Variants in FHIT observed in about 807,000 individuals in gnomAD.
FHIT encodes the protein bis(5'-adenosyl)-triphosphatase.
Under a neutral mutation model 17.9 loss-of-function variants are expected in FHIT, and 19 were observed. The ratio of observed to expected loss-of-function variants is 1.06; its 90% CI spans 0.74 to 1.56. FHIT has a LOEUF of 1.56. Ranked by LOEUF, FHIT falls within the 40% of genes most tolerant of loss-of-function variation. FHIT has a pLI of 0.00. For synonymous variants in FHIT, 81 were observed against 69.7 expected, an observed-to-expected ratio of 1.16 and a Z score of -0.81; for missense variants, 248 against 189.2, an observed-to-expected ratio of 1.31 and a Z score of -1.82.
chr3:61,018,934 A>T (rs2032260468), intron 3 of FHIT, among the ~76,000 whole-genome samples: 1 of 152,204 alleles, frequency 6.6e-6, no homozygotes, highest in South Asian at 2.1e-4. Flanking sequence ...AAGATAATAA[A>T]CTGGACAGAC....
At chr3:60,769,451 A>G (rs1553722438) in intron 4 of FHIT, among the ~76,000 whole-genome samples, 1 of 152,184 alleles carries the variant, frequency 6.6e-6, no homozygotes, top group Non-Finnish European at 1.5e-5. Flanking sequence ...ACTCAAGTGA[A>G]AAATGCTTCC....
At chr3:60,180,216 C>G (rs1043383404) in intron 5 of FHIT, among the ~76,000 whole-genome samples, 3 of 152,046 alleles carry the variant, frequency 2.0e-5, no homozygotes, top group African/African-American at 7.2e-5. Flanking sequence ...AGGAAGATCA[C>G]GGGCAGCAAA....
At chr3:60,993,799 G>A (rs1210874896) in intron 3 of FHIT, among the ~76,000 whole-genome samples, 1 of 152,216 alleles carries the variant, frequency 6.6e-6, no homozygotes, top group Non-Finnish European at 1.5e-5. Context: ...GAGGAGGTCT[G>A]AACGAGGGCC....
chr3:60,851,977 G>A (rs1048253776), intron 3 of FHIT, among the ~76,000 whole-genome samples: 4 of 152,250 alleles, frequency 2.6e-5, no homozygotes, highest in Admixed American at 2.6e-4. Context: ...ACTGGGCCAT[G>A]AGGTGCCCAG....
chr3:60,294,424 G>A (rs1209742463), intron 5 of FHIT, among the ~76,000 whole-genome samples: 1 of 152,078 alleles, frequency 6.6e-6, no homozygotes, highest in Admixed American at 6.6e-5. Flanking sequence ...CGTGACCAAG[G>A]TCACAAGTTA....
intron 5 of FHIT, among the ~76,000 whole-genome samples, chr3:60,164,404 C>G (rs923192909): frequency 6.6e-6 from 1 of 152,110 alleles, no homozygotes; most frequent in Non-Finnish European, 1.5e-5. Context: ...CAAATCACAC[C>G]CATCTAAAAA....
chr3:60,219,807 T>C (rs901495298), intron 5 of FHIT, among the ~76,000 whole-genome samples: 6 of 152,120 alleles, frequency 3.9e-5, no homozygotes, highest in African/African-American at 1.2e-4. Context: ...CCTTCTAAGA[T>C]CTTGTATCTA....
At chr3:59,875,409 G>A (rs1703107205) in intron 8 of FHIT, among the ~76,000 whole-genome samples, 1 of 152,194 alleles carries the variant, frequency 6.6e-6, no homozygotes, top group Non-Finnish European at 1.5e-5. Flanking sequence ...AGAGAAGTGT[G>A]GGCGAAGCCA....
At chr3:60,625,773 C>T (rs2039268252) in intron 4 of FHIT, among the ~76,000 whole-genome samples, 1 of 150,194 alleles carries the variant, frequency 6.7e-6, no homozygotes, top group East Asian at 1.9e-4. Context: ...CTTGTGTTGT[C>T]TTTTTCCATA....
intron 2 of FHIT, among the ~76,000 whole-genome samples, chr3:61,105,045 C>T (rs182348348): frequency 2.6e-5 from 4 of 152,070 alleles, no homozygotes. Flanking sequence ...CATTCCTATC[C>T]GTATTTTGAA....
intron 8 of FHIT, among the ~76,000 whole-genome samples, chr3:59,813,504 C>T (rs1034157910): frequency 6.6e-6 from 1 of 152,102 alleles, no homozygotes; most frequent in Non-Finnish European, 1.5e-5. Flanking sequence ...ATCTGGGATC[C>T]AAATTCATGG....
chr3:60,620,955 AAAAAAG>A (rs1424349015), intron 4 of FHIT, among the ~76,000 whole-genome samples: 1 of 152,072 alleles, frequency 6.6e-6, no homozygotes, highest in Non-Finnish European at 1.5e-5. Flanking sequence ...TAAAATTGTT[AAAAAAG>A]AAATAGTGTA....
intron 5 of FHIT, among the ~76,000 whole-genome samples, chr3:60,336,399 T>A (rs567983116): frequency 6.6e-6 from 1 of 152,208 alleles, no homozygotes; most frequent in Non-Finnish European, 1.5e-5. Context: ...TGAATGCCTA[T>A]GAAAAGAGTG....
intron 5 of FHIT, among the ~76,000 whole-genome samples, chr3:60,016,620 CA>C (rs1403118854): frequency 1.3e-5 from 2 of 152,178 alleles, no homozygotes; most frequent in Non-Finnish European, 2.9e-5. Context: ...CAGATCATTA[CA>C]ACACAGAGAG....
At chr3:60,286,400 C>T (rs1707731493) in intron 5 of FHIT, among the ~76,000 whole-genome samples, 1 of 152,072 alleles carries the variant, frequency 6.6e-6, no homozygotes, top group African/African-American at 2.4e-5. Context: ...TCTTACGTAT[C>T]TTTTATCTCA....
intron 5 of FHIT, among the ~76,000 whole-genome samples, chr3:60,126,531 T>C (rs539934409): frequency 4.6e-5 from 7 of 152,314 alleles, no homozygotes; most frequent in East Asian, 1.9e-4. Flanking sequence ...ACAAGCTCTA[T>C]AGAAGTTGTA....
At chr3:60,547,880 A>G (rs1233202314) in intron 4 of FHIT, among the ~76,000 whole-genome samples, 1 of 152,140 alleles carries the variant, frequency 6.6e-6, no homozygotes, top group African/African-American at 2.4e-5. Context: ...GCAGGCCCCA[A>G]ACTGGGAAAT....
At chr3:60,456,694 A>G (rs1430206333) in intron 5 of FHIT, among the ~76,000 whole-genome samples, 1 of 152,190 alleles carries the variant, frequency 6.6e-6, no homozygotes, top group Non-Finnish European at 1.5e-5. Flanking sequence ...TACTGATATC[A>G]GCACTGAAGA....
intron 5 of FHIT, among the ~76,000 whole-genome samples, chr3:60,172,442 T>A (rs1701463601): frequency 6.6e-6 from 1 of 150,994 alleles, no homozygotes; most frequent in African/African-American, 2.4e-5. Context: ...ATTTTGTATT[T>A]TTTTTTTTTT....
Sources: allele counts gnomAD v4.1 joint callset (sites outside exome capture counted in the v4.1 genomes callset), GRCh38; gene constraint gnomAD v4.1.1; transcripts MANE v1.5; gene names NCBI Gene and HGNC (gene_info 2026-07-23, HGNC 2026-07-21).